SMG6: variants seen among roughly 807,000 people sequenced by gnomAD.
SMG6 encodes telomerase-binding protein EST1A.
In SMG6, 66 loss-of-function variants were observed where a neutral mutation model predicts 142.2. The observed-to-expected ratio is 0.46, with a 90% CI of 0.38 to 0.57. SMG6 has a LOEUF of 0.57. Ranked by LOEUF, SMG6 falls within the 20% of genes least tolerant of loss-of-function variation. SMG6 has a pLI of 0.00. For missense variants in SMG6, 1,793 were observed against 1,832.0 expected, an observed-to-expected ratio of 0.98 and a Z score of 0.39; for synonymous variants, 779 against 702.4, an observed-to-expected ratio of 1.11 and a Z score of -1.72.
intron 10 of SMG6, among the ~76,000 whole-genome samples, chr17:2,202,478 G>T (rs1469926640): frequency 6.6e-6 from 1 of 152,096 alleles, no homozygotes; most frequent in Non-Finnish European, 1.5e-5. Context: ...CTTGAGCCCG[G>T]AAGTTCAAGG....
At chr17:2,255,767 A>G in intron 8 of SMG6, 1 of 205,760 alleles carries the variant, frequency 4.9e-6, no homozygotes, top group South Asian at 7.4e-5. Flanking sequence ...GAAAGAATAG[A>G]GAAATTAGAT....
At chr17:2,248,318 G>C (rs913992137) in intron 8 of SMG6, among the ~76,000 whole-genome samples, 1 of 151,882 alleles carries the variant, frequency 6.6e-6, no homozygotes, top group Non-Finnish European at 1.5e-5. Flanking sequence ...TTCAACCAAG[G>C]GCTAACGAGG....
intron 13 of SMG6, among the ~76,000 whole-genome samples, chr17:2,108,877 G>A (rs1335150000): frequency 3.3e-5 from 5 of 150,924 alleles, no homozygotes; most frequent in Non-Finnish European, 5.9e-5. Context: ...CCAGGAGTTG[G>A]AGGTTGCAGT....
intron 12 of SMG6, among the ~76,000 whole-genome samples, chr17:2,178,396 A>G (rs1161698064): frequency 1.3e-5 from 2 of 152,232 alleles, no homozygotes; most frequent in Non-Finnish European, 1.5e-5. Flanking sequence ...AAGAGACCAG[A>G]CTTAGATGAA....
chr17:2,065,461 G>A lies in SMG6; in HGVS notation c.4047+7C>T, dbSNP rs753177919. 1.3e-5 allele frequency: 21 copies of A among 1,610,460 alleles called. No individual in the cohort carries two copies. The highest frequency in any genetic ancestry group is 2.2e-5 in the East Asian group (1 of 44,878). On this transcript the variant is annotated splice_region_variant and intron_variant, in intron 17 of 18. Transcript: ENST00000263073. ...GTGGGCTTTCCCTTCCTGCCACAGGGTCTCACCAGCTGGCCAGTGATGTCC... is the reference window on the plus strand; with the variant it reads ...GTGGGCTTTCCCTTCCTGCCACAGGATCTCACCAGCTGGCCAGTGATGTCC...
rs369912286 is a variant in SMG6, at chr17:2,271,970, C to T, written c.2661+10677G>A. Among the ~76,000 whole-genome samples the T allele has an allele frequency of 1.1e-4, 16 of 152,314 alleles. No individual in the cohort carries two copies. In the East Asian group the frequency reaches 1.4e-3, roughly 13 times the overall value. ...ACCAAATTTAATGGATAGAATAGTG[C>T]TGCTTTTGCTCAATTAACAATGCAG... On this transcript the variant is annotated intron_variant, in intron 8 of 18. Coordinates refer to ENST00000263073, the MANE Select transcript of SMG6 (RefSeq NM_017575.5).
At chr17:2,116,232 C>G (rs1362845860) in intron 13 of SMG6, among the ~76,000 whole-genome samples, 8 of 151,872 alleles carry the variant, frequency 5.3e-5, no homozygotes, top group Non-Finnish European at 4.4e-5. Flanking sequence ...CCACCCTGCC[C>G]AGCTATTTTT....
At chr17:2,300,779 A>T (rs2075263920) in intron 1 of SMG6, 115 bp from the exon 2 acceptor site, 1 of 926,502 alleles carries the variant, frequency 1.1e-6, no homozygotes, top group Admixed American at 3.0e-5. Context: ...AGCAAGAATT[A>T]CATATCCAAA....
chr17:2,172,846 C>T lies in SMG6; in HGVS notation c.3169G>A (p.Val1057Ile). 5 of 1,614,124 alleles carry T rather than the reference C, an allele frequency of 3.1e-6. No individual in the cohort carries two copies. Among genetic ancestry groups the T allele is most frequent in the Non-Finnish European group, 3.4e-6 (4 of 1,179,994 alleles). The change falls in exon 13 of 19, where the codon GTA becomes ATA. Residue 1057 changes from valine to isoleucine, a missense_variant. Physicochemically the swap from Val to Ile is conservative, Grantham distance 29 (BLOSUM62 3). Around this residue, in one of 3 missense-constraint regions of SMG6, gnomAD observed 1,597 missense variants for 1,584.6 expected, o/e 1.01. Coordinates refer to ENST00000263073, the MANE Select transcript of SMG6 (RefSeq NM_017575.5). ...CAGAAATCAGCCAGCGTCGACCATA[C>T]ATCCACAGCAACACTGTGAGAAATA... The part of the protein sequence containing the change: ...LDLPSHVAVD[V>I]WSTLADFCNI...
intron 10 of SMG6, among the ~76,000 whole-genome samples, chr17:2,213,420 A>G (rs2072921205): frequency 6.6e-6 from 1 of 152,188 alleles, no homozygotes. Context: ...TCTCAGCGCT[A>G]GGCCCTGATG....
At chr17:2,280,656 C>T in intron 8 of SMG6, 1 of 895,716 alleles carries the variant, frequency 1.1e-6, no homozygotes, top group African/African-American at 1.8e-5. Context: ...TAATAGTTAC[C>T]CAAGGATGAT....
chr17:2,297,780 C>T (rs1010372495), intron 3 of SMG6, 83 bp downstream of exon 3: 1 of 1,469,814 alleles, frequency 6.8e-7, no homozygotes. Flanking sequence ...TGTTCTAAAA[C>T]ATAGTATTTC....
chr17:2,087,848 C>A, intron 13 of SMG6: 1 of 985,854 alleles, frequency 1.0e-6, no homozygotes, highest in Non-Finnish European at 1.2e-6. Context: ...CACAAGACTG[C>A]CAGTTTCCTC....
chr17:2,247,705 C>T (rs2073954946), intron 8 of SMG6, among the ~76,000 whole-genome samples: 1 of 152,050 alleles, frequency 6.6e-6, no homozygotes, highest in South Asian at 2.1e-4. Context: ...ATCACTTGAA[C>T]TTGGGAGGCG....
intron 10 of SMG6, among the ~76,000 whole-genome samples, chr17:2,195,580 A>G (rs1380962329): frequency 6.6e-6 from 1 of 152,252 alleles, no homozygotes; most frequent in African/African-American, 2.4e-5. Context: ...TTTGCTGCTC[A>G]TAATAGTAGG....
intron 13 of SMG6, among the ~76,000 whole-genome samples, chr17:2,148,530 G>C (rs558356404): frequency 6.6e-6 from 1 of 152,326 alleles, no homozygotes; most frequent in South Asian, 2.1e-4. Flanking sequence ...AATATTTTAT[G>C]ATTCCACTTA....
chr17:2,135,603 A>AC (rs2070268314), intron 13 of SMG6, among the ~76,000 whole-genome samples: 2 of 152,226 alleles, frequency 1.3e-5, no homozygotes, highest in Non-Finnish European at 2.9e-5. Flanking sequence ...AGTACCCATT[A>AC]GTCTCATGTG....
chr17:2,069,048 C>A (rs1389928993), intron 15 of SMG6, 117 bp from the exon 16 acceptor site: 26 of 947,106 alleles, frequency 2.7e-5, no homozygotes, highest in Admixed American at 4.8e-5. Context: ...TTCCCCTCCA[C>A]AGTAATAACC....
intron 10 of SMG6, among the ~76,000 whole-genome samples, chr17:2,193,754 T>C (rs2151704119): frequency 6.6e-6 from 1 of 152,310 alleles, no homozygotes; most frequent in South Asian, 2.1e-4. Context: ...ATAAGGAAGA[T>C]GGAAGTAAGA....
Sources: allele counts gnomAD v4.1 joint callset (sites outside exome capture counted in the v4.1 genomes callset), GRCh38; gene constraint gnomAD v4.1.1; regional missense constraint gnomAD v4.1.1; transcripts MANE v1.5; gene names NCBI Gene and HGNC (gene_info 2026-07-23, HGNC 2026-07-21).